Variants in CHST9 observed in about 807,000 individuals in gnomAD.
CHST9 encodes the protein GalNAc-4-sulfotransferase 2.
Under a neutral mutation model 44.4 loss-of-function variants are expected in CHST9, and 41 were observed. The ratio of observed to expected loss-of-function variants is 0.92; its 90% CI spans 0.72 to 1.20. The LOEUF (loss-of-function observed/expected upper bound fraction) is 1.20, where lower values mean the gene tolerates loss of function less well. Ranked by LOEUF, CHST9 falls within the 50% of genes most tolerant of loss-of-function variation. The pLI is 0.00. For missense variants in CHST9, 504 were observed against 516.5 expected, an observed-to-expected ratio of 0.98 and a Z score of 0.23; for synonymous variants, 171 against 178.4, an observed-to-expected ratio of 0.96 and a Z score of 0.33.
At chr18:27,033,074 C>A (rs779835601) in intron 3 of CHST9, among the ~76,000 whole-genome samples, 5 of 152,226 alleles carry the variant, frequency 3.3e-5, no homozygotes, top group Admixed American at 2.0e-4. Flanking sequence ...TTATTCAATT[C>A]ATTTGTAAAA....
At chr18:27,115,498 C>T (rs150730603) in intron 2 of CHST9, among the ~76,000 whole-genome samples, 2 of 152,048 alleles carry the variant, frequency 1.3e-5, no homozygotes, top group Non-Finnish European at 2.9e-5. Context: ...ATTCCAATTT[C>T]TCCACATTTT....
intron 1 of CHST9, among the ~76,000 whole-genome samples, chr18:27,181,517 TTC>T (rs1169967501): frequency 6.6e-6 from 1 of 152,222 alleles, no homozygotes; most frequent in Non-Finnish European, 1.5e-5. Flanking sequence ...TTGCTATTCC[TTC>T]TCTTGGAAAG....
intron 3 of CHST9, among the ~76,000 whole-genome samples, chr18:27,028,500 C>T (rs189261874): frequency 1.3e-5 from 2 of 152,076 alleles, no homozygotes; most frequent in Non-Finnish European, 1.5e-5. Flanking sequence ...AATGAGAGAA[C>T]GGACAGAGTT....
At position 26,917,368 on chromosome 18, in the gene CHST9, G is replaced by A; in HGVS notation, c.241-18C>T. 1 of 1,600,076 alleles carries A rather than the reference G, an allele frequency of 6.2e-7. No homozygotes were observed. Among genetic ancestry groups the A allele is most frequent in the Non-Finnish European group, 8.5e-7 (1 of 1,175,452 alleles). ...TTGGGGTTCTGTTAAAATAAAGAAG[G>A]AGAAATGTTGAAAGCACAGTCACGA... On this transcript the variant is annotated intron_variant, in intron 5 of 5. Coordinates refer to ENST00000618847, the MANE Select transcript of CHST9 (RefSeq NM_031422.6).
intron 2 of CHST9, among the ~76,000 whole-genome samples, chr18:27,102,421 T>C (rs1013999357): frequency 6.6e-6 from 1 of 152,176 alleles, no homozygotes; most frequent in Non-Finnish European, 1.5e-5. Flanking sequence ...TGGGGATTCA[T>C]TCTACTTTGG....
At chr18:26,970,507 C>A (rs1301058570) in intron 4 of CHST9, among the ~76,000 whole-genome samples, 1 of 152,220 alleles carries the variant, frequency 6.6e-6, no homozygotes, top group Non-Finnish European at 1.5e-5. Context: ...CGGCTCACTG[C>A]AACCTCTGAC....
chr18:27,013,981 T>C (rs2057116252), intron 4 of CHST9, among the ~76,000 whole-genome samples: 1 of 152,222 alleles, frequency 6.6e-6, no homozygotes, highest in Non-Finnish European at 1.5e-5. Context: ...TTCAATTGTA[T>C]TAATGAAATT....
chr18:26,908,813 A>G lies in CHST9; in HGVS notation c.*7446T>C, dbSNP rs928382208. 6.6e-6 allele frequency: 1 copy of G among 152,244 alleles called. No individual in the cohort carries two copies. Among genetic ancestry groups the G allele is most frequent in the Non-Finnish European group, 1.5e-5 (1 of 68,042 alleles). 9.4% of individuals were successfully genotyped at this position (152,244 alleles called of 1,614,324 possible). ...GTTCAAGAAAATATACATTATAACCATTTAAGTTAAATTGCAAAATATTTC... is the reference window on the plus strand; with the variant it reads ...GTTCAAGAAAATATACATTATAACCGTTTAAGTTAAATTGCAAAATATTTC... On this transcript the variant is annotated 3_prime_UTR_variant, in exon 6 of 6. Transcript: ENST00000618847.
intron 2 of CHST9, among the ~76,000 whole-genome samples, chr18:27,119,232 T>A (rs549070119): frequency 6.8e-4 from 104 of 152,314 alleles, no homozygotes; most frequent in Non-Finnish European, 1.2e-3. Context: ...TAATAATGTG[T>A]TCTTATAACC....
At chr18:26,970,441 A>T (rs1029829452) in intron 4 of CHST9, among the ~76,000 whole-genome samples, 12 of 151,980 alleles carry the variant, frequency 7.9e-5, no homozygotes, top group African/African-American at 2.7e-4. Context: ...TATTATTATT[A>T]TTTTTGAGAC....
chr18:27,018,514 A>C (rs1200006864), intron 4 of CHST9, among the ~76,000 whole-genome samples: 2 of 152,204 alleles, frequency 1.3e-5, no homozygotes, highest in Admixed American at 6.5e-5. Flanking sequence ...CAGTGTGTGC[A>C]GAAGGTACAA....
rs972344025 is a variant in CHST9, at chr18:27,040,699, G to A, written c.160+7766C>T. Among the ~76,000 whole-genome samples the A allele has an allele frequency of 2.0e-5, 3 of 152,136 alleles. No individual in the cohort carries two copies. In the East Asian group the frequency reaches 5.8e-4, roughly 29 times the overall value. The stretch of plus-strand genomic sequence containing the variant: ...TATATGATTGATTTCTATACTGCAT[G>A]GCTCAAGTGACATACATTCACTTTA... On this transcript the variant is annotated intron_variant, in intron 3 of 5. Transcript: ENST00000618847.
At chr18:27,174,376 C>G (rs1004302574) in intron 1 of CHST9, among the ~76,000 whole-genome samples, 1 of 151,910 alleles carries the variant, frequency 6.6e-6, no homozygotes, top group Non-Finnish European at 1.5e-5. Flanking sequence ...TCAGGTTAAA[C>G]ATTTTTAGCA....
chr18:27,026,304 C>T (rs758899856), intron 3 of CHST9, among the ~76,000 whole-genome samples: 2 of 152,148 alleles, frequency 1.3e-5, no homozygotes, highest in Admixed American at 6.5e-5. Context: ...CGTTCTCCCC[C>T]ACTATAGTAA....
chr18:27,000,894 C>T (rs186627108), intron 4 of CHST9, among the ~76,000 whole-genome samples: 323 of 151,934 alleles, frequency 2.1e-3, no homozygotes, highest in South Asian at 3.7e-3. Context: ...TCAAGATTCA[C>T]CCCCCCATCT....
At chr18:27,065,877 G>GT (rs1313719134) in intron 2 of CHST9, among the ~76,000 whole-genome samples, 1 of 152,186 alleles carries the variant, frequency 6.6e-6, no homozygotes, top group Non-Finnish European at 1.5e-5. Flanking sequence ...ATAGTGCCAT[G>GT]TGAGGGTGGC....
intron 2 of CHST9, among the ~76,000 whole-genome samples, chr18:27,080,386 T>C (rs1255821158): frequency 6.6e-6 from 1 of 151,886 alleles, no homozygotes; most frequent in Non-Finnish European, 1.5e-5. Flanking sequence ...GTCATTTCTT[T>C]TAGGACATGC....
intron 4 of CHST9, among the ~76,000 whole-genome samples, chr18:27,000,174 C>T (rs2145224803): frequency 6.6e-6 from 1 of 152,256 alleles, no homozygotes; most frequent in South Asian, 2.1e-4. Flanking sequence ...GATATCCACC[C>T]CGGTTTTCAA....
At chr18:26,952,089 C>A in intron 4 of CHST9, 1 of 400,664 alleles carries the variant, frequency 2.5e-6, no homozygotes, top group Admixed American at 3.1e-5. Context: ...AAAGACAGAG[C>A]AATACTCGAA....
Sources: allele counts gnomAD v4.1 joint callset (sites outside exome capture counted in the v4.1 genomes callset), GRCh38; gene constraint gnomAD v4.1.1; transcripts MANE v1.5; gene names NCBI Gene and HGNC (gene_info 2026-07-23, HGNC 2026-07-21).